MFSD6: variants seen among roughly 807,000 people sequenced by gnomAD.
The protein encoded by MFSD6 is major facilitator superfamily domain containing 6, also known as major facilitator superfamily domain-containing protein 6.
A neutral mutation model predicts 56.3 loss-of-function variants in MFSD6; 26 were observed. The ratio of observed to expected loss-of-function variants is 0.46; its 90% CI spans 0.34 to 0.64. The LOEUF (loss-of-function observed/expected upper bound fraction) is 0.64. Among genes scored for constraint, MFSD6 ranks in the 30% least tolerant of loss-of-function variants. MFSD6 has a pLI of 0.01. For missense variants in MFSD6, 750 were observed against 986.2 expected (o/e 0.76, Z 3.21); for synonymous variants, 331 against 366.9 (o/e 0.90, Z 1.12).
rs1471525559 is a variant in MFSD6, at chr2:190,447,519, T to C, written c.1532+9958T>C. ...CTGTGTCATAGCACATATGAAAAAA[T>C]GACCTACCTAGTGATATAAAGAAGC... On this transcript the variant is annotated intron_variant, in intron 3 of 7. Transcript: ENST00000392328. This position sits in a 1 kb window ranked among gnomAD's most constrained non-coding sequence, Gnocchi z 4.5. Among the ~76,000 whole-genome samples, 1 of 152,158 alleles carries C rather than the reference T, an allele frequency of 6.6e-6. No individual in the cohort carries two copies. The highest frequency in any genetic ancestry group is 1.5e-5 in the Non-Finnish European group (1 of 68,036).
rs778861802 is a variant in MFSD6, at chr2:190,488,710, G to A, written c.1684G>A (p.Val562Ile). The A allele has an allele frequency of 1.5e-5, 24 of 1,604,184 alleles. No individual in the cohort carries two copies. The highest frequency in any genetic ancestry group is 2.2e-5 in the South Asian group (2 of 89,126). Residue 562 changes from valine (V) to isoleucine (I), a missense_variant, in exon 5 of 8, where the codon GTT becomes ATT. By Grantham distance (29) the Val-to-Ile change is conservative. This residue lies in a region of MFSD6 where 125 missense variants were observed against 223.1 expected (regional missense o/e 0.56). Coordinates refer to ENST00000392328, the MANE Select transcript of MFSD6 (RefSeq NM_017694.4). This position sits in a 1 kb window ranked among gnomAD's most constrained non-coding sequence, Gnocchi z 6.4. ...AACISYLSAA[V>I]PPELRTSAQG... Reference sequence around the variant, plus strand: ...ATGCATTTCTTACCTCAGTGCAGCCGTTCCCCCTGAGCTGAGGACATCTGC... The same window carrying A: ...ATGCATTTCTTACCTCAGTGCAGCCATTCCCCCTGAGCTGAGGACATCTGC...
Position 190,487,293 on chromosome 2 carries a change from G to A in MFSD6, c.1631-1364G>A, listed in dbSNP as rs1689069347. Among the ~76,000 whole-genome samples the A allele has an allele frequency of 6.6e-6, 1 of 152,106 alleles. No individual in the cohort carries two copies. Among genetic ancestry groups the A allele is most frequent in the Non-Finnish European group, 1.5e-5 (1 of 68,022 alleles). On this transcript the variant is annotated intron_variant, in intron 4 of 7. Coordinates refer to ENST00000392328, the MANE Select transcript of MFSD6 (RefSeq NM_017694.4). This position sits in a 1 kb window ranked among gnomAD's most constrained non-coding sequence, Gnocchi z 5.5. ...GAAGCAGAGGTTGCAGTGAGCTGAGGTCGTGCCACTGCACTCCAGCCTGGT... is the reference window on the plus strand; with the variant it reads ...GAAGCAGAGGTTGCAGTGAGCTGAGATCGTGCCACTGCACTCCAGCCTGGT...
rs1242669673 is a variant in MFSD6, at chr2:190,472,918, TG to T, written c.1630+3068del. Among the ~76,000 whole-genome samples the T allele has an allele frequency of 8.6e-5, 13 of 151,906 alleles. No individual in the cohort carries two copies. The East Asian group carries it at 2.5e-3, about 29-fold the overall frequency. On this transcript the variant is annotated intron_variant, in intron 4 of 7. Coordinates refer to ENST00000392328, the MANE Select transcript of MFSD6 (RefSeq NM_017694.4). ...AGAAACTCTACAAGCCAGAAGAGAG[TG>T]GGGGCCAATATTCAACATTCTTAAA...
intron 3 of MFSD6, among the ~76,000 whole-genome samples, chr2:190,464,591 G>A (rs1377042234): frequency 6.6e-6 from 1 of 152,082 alleles, no homozygotes; most frequent in Admixed American, 6.5e-5. Context: ...ACCCTTGTTC[G>A]CTTTGTTTCC....
At position 190,500,252 on chromosome 2, in the gene MFSD6, T is replaced by C; in HGVS notation, c.*34T>C. 1 of 1,610,146 alleles carries C rather than the reference T, an allele frequency of 6.2e-7. No individual in the cohort carries two copies. The highest frequency in any genetic ancestry group is 8.5e-7 in the Non-Finnish European group (1 of 1,177,250). On this transcript the variant is annotated 3_prime_UTR_variant, in exon 8 of 8. Coordinates refer to ENST00000392328, the MANE Select transcript of MFSD6 (RefSeq NM_017694.4). The surrounding 1 kb of genome is among the most constrained non-coding windows in gnomAD (Gnocchi z 5.3). ...TGCTCATCTCACACCCTGCATGGAA[T>C]CAGGCTCCTCAGCCAGGACACAGGG...
rs554969749 is a variant in MFSD6, at chr2:190,438,387, G to A, written c.1532+826G>A. Among the ~76,000 whole-genome samples, 39 of 152,160 alleles carry A rather than the reference G, an allele frequency of 2.6e-4. No individual in the cohort carries two copies. The highest frequency in any genetic ancestry group is 4.3e-4 in the Non-Finnish European group (29 of 68,004). On this transcript the variant is annotated intron_variant, in intron 3 of 7. Transcript: ENST00000392328. This position sits in a 1 kb window ranked among gnomAD's most constrained non-coding sequence, Gnocchi z 5.2. ...AAAAGTTAGCCGGGCATGGTGGCACGCACCCGTAGTCCCAGCTACTCGGGA... is the reference window on the plus strand; with the variant it reads ...AAAAGTTAGCCGGGCATGGTGGCACACACCCGTAGTCCCAGCTACTCGGGA...
At position 190,459,109 on chromosome 2, in the gene MFSD6, AG is replaced by A. The variant is rs1016586014; in HGVS notation, c.1533-10648del. On this transcript the variant is annotated intron_variant, in intron 3 of 7. Transcript: ENST00000392328. This position sits in a 1 kb window ranked among gnomAD's most constrained non-coding sequence, Gnocchi z 5.3. ...CTCCAACTCCCTAGGGGTTTCTCCC[AG>A]AACATCCTATCCAAGACTCCTTTTT... Among the ~76,000 whole-genome samples, 16 of 152,196 alleles carry A rather than the reference AG, an allele frequency of 1.1e-4. No individual in the cohort carries two copies. The highest frequency in any genetic ancestry group is 3.6e-4 in the African/African-American group (15 of 41,444).
rs915967607 is a variant in MFSD6, at chr2:190,498,725, G to A, written c.2172+1006G>A. On this transcript the variant is annotated intron_variant, in intron 7 of 7. Transcript: ENST00000392328. This position sits in a 1 kb window ranked among gnomAD's most constrained non-coding sequence, Gnocchi z 5.9. The stretch of plus-strand genomic sequence containing the variant: ...CTTAAAGCAAGAAGACTAAACAGGA[G>A]AAAGGATGATTTTAATATCTGCTGC... 6.6e-6 allele frequency among the ~76,000 whole-genome samples: 1 copy of A among 152,180 alleles called. No homozygotes were observed. Among genetic ancestry groups the A allele is most frequent in the African/African-American group, 2.4e-5 (1 of 41,432 alleles).
rs1686162199 is a variant in MFSD6 at position 190,435,969 on chromosome 2, C to T, written c.-53-8C>T. Reference sequence around the variant, plus strand: ...TTACTAAGCCATCTTTTAAATTTTACTTTACAGATCAACAGTACAAATTCT... The same window carrying T: ...TTACTAAGCCATCTTTTAAATTTTATTTTACAGATCAACAGTACAAATTCT... On this transcript the variant is annotated splice_region_variant and splice_polypyrimidine_tract_variant and intron_variant, in intron 2 of 7. Coordinates refer to ENST00000392328, the MANE Select transcript of MFSD6 (RefSeq NM_017694.4). 4 of 1,520,514 alleles carry T rather than the reference C, an allele frequency of 2.6e-6. No individual in the cohort carries two copies. The highest frequency in any genetic ancestry group is 1.4e-5 in the African/African-American group (1 of 71,880). The allele number at this position is 1,520,514 out of a possible 1,614,324, so 94.2% of individuals were successfully genotyped here.
chr2:190,441,878 C>G (rs771972562), intron 3 of MFSD6, among the ~76,000 whole-genome samples: 14 of 152,180 alleles, frequency 9.2e-5, no homozygotes, highest in South Asian at 6.2e-4. Context: ...AGTGGTCTGG[C>G]TTCCCAGCTT....
At chr2:190,473,112 G>C (rs751204426) in intron 4 of MFSD6, among the ~76,000 whole-genome samples, 51 of 152,122 alleles carry the variant, frequency 3.4e-4, no homozygotes, top group Non-Finnish European at 6.5e-4. Context: ...GGAACAACCG[G>C]TACCAGCTAC....
intron 3 of MFSD6, among the ~76,000 whole-genome samples, chr2:190,455,273 A>G (rs1686968665): frequency 6.3e-5 from 9 of 141,776 alleles, no homozygotes. Flanking sequence ...TAAGTTATTC[A>G]TAGCTCTATT....
In MFSD6 at chr2:190,457,457, C is replaced by A. The variant is rs1449245447; in HGVS notation, c.1533-12301C>A. Among the ~76,000 whole-genome samples the A allele has an allele frequency of 6.6e-6, 1 of 152,164 alleles. No homozygotes were observed. The highest frequency in any genetic ancestry group is 1.5e-5 in the Non-Finnish European group (1 of 68,028). ...CTTTGCGTGTTTTTTGCTGACAAGT[C>A]AAAAATGTGCACAAAGCCATTCAAA... On this transcript the variant is annotated intron_variant, in intron 3 of 7. Coordinates refer to ENST00000392328, the MANE Select transcript of MFSD6 (RefSeq NM_017694.4). This position sits in a 1 kb window ranked among gnomAD's most constrained non-coding sequence, Gnocchi z 5.1.
intron 2 of MFSD6, among the ~76,000 whole-genome samples, chr2:190,430,188 T>C (rs1282779218): frequency 2.0e-5 from 3 of 151,058 alleles, no homozygotes; most frequent in African/African-American, 7.3e-5. Context: ...ATCCTTTTTA[T>C]GGCTGCATAG....
chr2:190,421,693 C>A (rs966774252), intron 2 of MFSD6, among the ~76,000 whole-genome samples: 7 of 151,842 alleles, frequency 4.6e-5, no homozygotes, highest in African/African-American at 1.5e-4. Flanking sequence ...GTAGCTGGGA[C>A]TGTAAGCATG....
rs531217444 is a variant in MFSD6 at position 190,427,983 on chromosome 2, C to T, written c.-53-7994C>T. Reference sequence around the variant, plus strand: ...CTGACCTCAGGTGATCCACTTGCCTCAGCCTCCCAAAGTGCTGGGATTACA... The same window carrying T: ...CTGACCTCAGGTGATCCACTTGCCTTAGCCTCCCAAAGTGCTGGGATTACA... On this transcript the variant is annotated intron_variant, in intron 2 of 7. Transcript: ENST00000392328. 1.4e-4 allele frequency among the ~76,000 whole-genome samples: 22 copies of T among 152,320 alleles called. No homozygotes were observed. The South Asian group carries it at 4.6e-3, about 32-fold the overall frequency.
At chr2:190,477,469 AAAGG>A in intron 4 of MFSD6, 1 of 642,736 alleles carries the variant, frequency 1.6e-6, no homozygotes, top group Non-Finnish European at 1.9e-6. Context: ...GTTAGGTGGA[AAAGG>A]ACGGTTTCCA....
intron 4 of MFSD6, among the ~76,000 whole-genome samples, chr2:190,473,162 G>C (rs1688054221): frequency 6.6e-6 from 1 of 152,174 alleles, no homozygotes; most frequent in African/African-American, 2.4e-5. Flanking sequence ...TCGAGGCTAG[G>C]AAGAAACTGC....
intron 3 of MFSD6, among the ~76,000 whole-genome samples, chr2:190,452,364 ATTGC>A (rs1197620005): frequency 6.6e-6 from 1 of 152,194 alleles, no homozygotes; most frequent in Non-Finnish European, 1.5e-5. Context: ...CTACCATTTG[ATTGC>A]TTATTACATA....
Sources: allele counts gnomAD v4.1 joint callset (sites outside exome capture counted in the v4.1 genomes callset), GRCh38; gene constraint gnomAD v4.1.1; regional missense constraint gnomAD v4.1.1; non-coding constraint Gnocchi (gnomAD v3.1); transcripts MANE v1.5; gene names NCBI Gene and HGNC (gene_info 2026-07-23, HGNC 2026-07-21).